The following SLC44A5 variants were observed in gnomAD, a reference collection of about 807,000 sequenced individuals.
The protein encoded by SLC44A5 is solute carrier family 44 member 5.
In SLC44A5, 57 loss-of-function variants were observed where a neutral mutation model predicts 101.8. The observed-to-expected ratio is 0.56, with a 90% CI of 0.45 to 0.70. The LOEUF is 0.70. SLC44A5 is among the 30% of genes least tolerant of loss of function. SLC44A5 has a pLI of 0.00. For missense variants in SLC44A5, 737 were observed against 853.1 expected (o/e 0.86, Z 1.70); for synonymous variants, 281 against 290.9 (o/e 0.97, Z 0.35).
chr1:75,496,332 G>T (rs1668671251), intron 2 of SLC44A5, among the ~76,000 whole-genome samples: 3 of 152,046 alleles, frequency 2.0e-5, no homozygotes, highest in South Asian at 4.1e-4. Flanking sequence ...ATTGACAAGG[G>T]TACCAAGAAC....
the SLC44A5 span, among the ~76,000 whole-genome samples, chr1:75,622,684 C>T: frequency 6.6e-6 from 1 of 151,928 alleles, no homozygotes; most frequent in Admixed American, 6.6e-5. Context: ...TATAATCCAC[C>T]GTTAAACTCT....
chr1:75,374,602 A>G (rs1467089031), intron 3 of SLC44A5, among the ~76,000 whole-genome samples: 1 of 152,104 alleles, frequency 6.6e-6, no homozygotes, highest in Non-Finnish European at 1.5e-5. Context: ...GCACTGAAAC[A>G]CACAAGAGGC....
At chr1:75,206,753 G>A in intron 23 of SLC44A5, 1 of 1,175,064 alleles carries the variant, frequency 8.5e-7, no homozygotes, top group Non-Finnish European at 1.3e-6. Flanking sequence ...GGCAAAAGCA[G>A]AAGCAGCAGA....
At chr1:75,667,187 A>T in the SLC44A5 span, among the ~76,000 whole-genome samples, 1 of 152,148 alleles carries the variant, frequency 6.6e-6, no homozygotes, top group African/African-American at 2.4e-5. Flanking sequence ...AAACCCCATC[A>T]TCTCAGCCCA....
chr1:75,488,133 A>T (rs1250468096), intron 2 of SLC44A5, among the ~76,000 whole-genome samples: 2 of 152,196 alleles, frequency 1.3e-5, no homozygotes, highest in African/African-American at 2.4e-5. Flanking sequence ...CCTCCCACTG[A>T]TTCTACATGA....
At chr1:75,292,661 T>G (rs548719996) in intron 5 of SLC44A5, among the ~76,000 whole-genome samples, 43 of 152,192 alleles carry the variant, frequency 2.8e-4, no homozygotes, top group Admixed American at 9.8e-4. Flanking sequence ...TAATAGATTG[T>G]TGATGATCTT....
chr1:75,331,069 T>C (rs1409123422), intron 4 of SLC44A5, among the ~76,000 whole-genome samples: 2 of 151,746 alleles, frequency 1.3e-5, no homozygotes, highest in Non-Finnish European at 2.9e-5. Flanking sequence ...CCACCTCTGC[T>C]TGATCTCCAA....
intron 2 of SLC44A5, among the ~76,000 whole-genome samples, chr1:75,519,251 A>T (rs373801261): frequency 4.6e-5 from 7 of 152,128 alleles, no homozygotes; most frequent in African/African-American, 1.7e-4. Context: ...CTTAAGATGA[A>T]TTTTTCTGGG....
At chr1:75,421,469 C>T (rs58890548) in intron 2 of SLC44A5, among the ~76,000 whole-genome samples, 14,958 of 152,094 alleles carry the variant, frequency 0.098, 909 homozygotes, top group Admixed American at 0.19. Flanking sequence ...CCAGTTAATC[C>T]TCTTATTTTA....
chr1:75,269,584 T>A (rs1651288118), intron 6 of SLC44A5, among the ~76,000 whole-genome samples: 1 of 152,184 alleles, frequency 6.6e-6, no homozygotes, highest in Admixed American at 6.5e-5. Context: ...GTATAAGATA[T>A]GAGATAAACA....
At chr1:75,296,650 G>GC (rs1238682747) in intron 5 of SLC44A5, among the ~76,000 whole-genome samples, 1 of 151,916 alleles carries the variant, frequency 6.6e-6, no homozygotes, top group African/African-American at 2.4e-5. Flanking sequence ...GAGGTGCCCT[G>GC]CCCCCCTGCT....
chr1:75,463,478 C>T (rs907072368), intron 2 of SLC44A5, among the ~76,000 whole-genome samples: 6 of 141,740 alleles, frequency 4.2e-5, no homozygotes, highest in Non-Finnish European at 7.7e-5. Flanking sequence ...AAACAAATAA[C>T]GTACAATGGA....
At chr1:75,238,090 T>C (rs1648269292) in intron 10 of SLC44A5, among the ~76,000 whole-genome samples, 1 of 151,904 alleles carries the variant, frequency 6.6e-6, no homozygotes, top group African/African-American at 2.4e-5. Flanking sequence ...GTCACACTTC[T>C]ATACCTGTTG....
chr1:75,459,797 A>G (rs1245331716), intron 2 of SLC44A5, among the ~76,000 whole-genome samples: 1 of 152,228 alleles, frequency 6.6e-6, no homozygotes, highest in Non-Finnish European at 1.5e-5. Context: ...TATAATGGTA[A>G]TTGTAACTTA....
At chr1:75,450,648 C>A (rs1665851577) in intron 2 of SLC44A5, among the ~76,000 whole-genome samples, 1 of 152,164 alleles carries the variant, frequency 6.6e-6, no homozygotes, top group South Asian at 2.1e-4. Flanking sequence ...AGCTTGAAGA[C>A]ATGAAACGGG....
At chr1:75,449,720 G>A (rs1288609332) in intron 2 of SLC44A5, among the ~76,000 whole-genome samples, 3 of 152,094 alleles carry the variant, frequency 2.0e-5, no homozygotes, top group Non-Finnish European at 4.4e-5. Context: ...TCAGCCACTT[G>A]AAAATATCAT....
At chr1:75,637,430 T>C in the SLC44A5 span, among the ~76,000 whole-genome samples, 2 of 151,976 alleles carry the variant, frequency 1.3e-5, no homozygotes, top group Non-Finnish European at 2.9e-5. Flanking sequence ...AAAATTGCAC[T>C]TACATTAAGT....
chr1:75,479,816 A>G (rs1667711358), intron 2 of SLC44A5, among the ~76,000 whole-genome samples: 1 of 152,374 alleles, frequency 6.6e-6, no homozygotes, highest in Non-Finnish European at 1.5e-5. Context: ...GAATTCTACC[A>G]GAGGTACAAG....
chr1:75,487,721 A>C (rs993641508), intron 2 of SLC44A5, among the ~76,000 whole-genome samples: 4 of 152,118 alleles, frequency 2.6e-5, no homozygotes, highest in Admixed American at 2.6e-4. Context: ...CATTGTGTGA[A>C]TGTCATAGAG....
Sources: allele counts gnomAD v4.1 joint callset (sites outside exome capture counted in the v4.1 genomes callset), GRCh38; gene constraint gnomAD v4.1.1; transcripts MANE v1.5; gene names NCBI Gene and HGNC (gene_info 2026-07-23, HGNC 2026-07-21).